Variants in C9orf72 observed in about 807,000 individuals in gnomAD.
C9orf72 encodes guanine nucleotide exchange factor C9orf72.
A neutral mutation model predicts 51.6 loss-of-function variants in C9orf72; 44 were observed. The ratio of observed to expected loss-of-function variants is 0.85; its 90% CI spans 0.67 to 1.10. The LOEUF is 1.10. Ranked by LOEUF, C9orf72 falls within the 50% of genes least tolerant of loss-of-function variation. The pLI, the probability that C9orf72 is intolerant of heterozygous loss-of-function variation, is 0.00. For missense variants in C9orf72, 607 were observed against 570.6 expected, an observed-to-expected ratio of 1.06 and a Z score of -0.65; for synonymous variants, 213 against 194.2, an observed-to-expected ratio of 1.10 and a Z score of -0.81.
chr9:27,562,177 G>A lies in C9orf72; in HGVS notation c.600+204C>T, dbSNP rs548761316. On this transcript the variant is annotated intron_variant, in intron 4 of 10. Transcript: ENST00000380003. ...AAATAAACAAAATGAATTTAATTTT[G>A]TCATCACTGATCAAAAATGCCTCTG... 5.5e-4 allele frequency among the ~76,000 whole-genome samples: 84 copies of A among 152,232 alleles called. 1 individual carries two copies. The highest frequency in any genetic ancestry group is 3.4e-3 in the Middle Eastern group (1 of 294).
intron 6 of C9orf72, 66 bp from the exon 7 acceptor site, chr9:27,558,673 A>C: frequency 2.5e-6 from 2 of 787,272 alleles, no homozygotes; most frequent in South Asian, 3.3e-5. Flanking sequence ...CTTATGAAAG[A>C]TATCTGAAAT....
chr9:27,559,279 A>AAC (rs1554660532), intron 6 of C9orf72: 2 of 151,412 alleles, frequency 1.3e-5, no homozygotes, highest in African/African-American at 2.4e-5. Flanking sequence ...AAAAAAAAAA[A>AAC]AAAAAACACT....
chr9:27,566,510 A>G (rs922725311), intron 2 of C9orf72, among the ~76,000 whole-genome samples, 167 bp downstream of exon 2: 1 of 152,216 alleles, frequency 6.6e-6, no homozygotes, highest in African/African-American at 2.4e-5. Context: ...TGAAGATGAC[A>G]GGTATCAGAC....
chr9:27,562,627 G>A lies in C9orf72; in HGVS notation c.505-151C>T, dbSNP rs528787762. The A allele has an allele frequency of 1.9e-5, 8 of 416,432 alleles. No individual in the cohort carries two copies. In the South Asian group the frequency reaches 2.9e-4, roughly 15 times the overall value. 25.8% of individuals were successfully genotyped at this position (416,432 alleles called of 1,614,324 possible). A position where few individuals can be genotyped will look rare whatever the true frequency, so the allele number is the denominator to read the frequency against. On this transcript the variant is annotated intron_variant, in intron 3 of 10. Transcript: ENST00000380003. ...ACAGTATCAAACAAGTCTACTACAT[G>A]TCTAAAGGATTTATATGCAATCCAA...
At chr9:27,554,081 T>A (rs1186303284) in intron 8 of C9orf72, among the ~76,000 whole-genome samples, 1 of 152,170 alleles carries the variant, frequency 6.6e-6, no homozygotes, top group Non-Finnish European at 1.5e-5. Context: ...TGTAAATTAG[T>A]TTAGCTATTA....
chr9:27,558,394 G>A, intron 7 of C9orf72, 97 bp downstream of exon 7: 2 of 737,940 alleles, frequency 2.7e-6, no homozygotes, highest in South Asian at 3.0e-5. Context: ...ATGTCAATAT[G>A]AGATACATTA....
chr9:27,556,580 C>A lies in C9orf72; in HGVS notation c.1072G>T (p.Glu358Ter), dbSNP rs774440971. 6.2e-7 allele frequency: 1 copy of A among 1,612,422 alleles called. No homozygotes were observed. Among genetic ancestry groups the A allele is most frequent in the Non-Finnish European group, 8.5e-7 (1 of 1,178,566 alleles). Residue 358 changes from glutamate to a stop codon, truncating the protein, a stop_gained, in exon 8 of 11, where the codon GAA becomes TAA. Transcript: ENST00000380003. LOFTEE classifies it high-confidence loss of function. ...MAQDTIIYTD[E>*]SFTPDLNIFQ... Reference sequence around the variant, plus strand: ...ACGTACAAATCAGGAGTAAAGCTTTCGTCAGTGTAGATGATCGTATCCTGA... The same window carrying A: ...ACGTACAAATCAGGAGTAAAGCTTTAGTCAGTGTAGATGATCGTATCCTGA...
At chr9:27,553,093 T>C (rs1563899738) in intron 8 of C9orf72, among the ~76,000 whole-genome samples, 1 of 152,164 alleles carries the variant, frequency 6.6e-6, no homozygotes, top group Non-Finnish European at 1.5e-5. Flanking sequence ...TGGAAAAACA[T>C]TCCATATTCA....
At chr9:27,570,732 T>TG (rs1286292690) in intron 1 of C9orf72, among the ~76,000 whole-genome samples, 2 of 152,020 alleles carry the variant, frequency 1.3e-5, no homozygotes, top group Non-Finnish European at 2.9e-5. Flanking sequence ...CCGGGTGTGG[T>TG]GGTGGACACC....
rs148688903 is a variant in C9orf72 at position 27,566,161 on chromosome 9, C to T, written c.444+516G>A. Reference sequence around the variant, plus strand: ...GTAAATAGCATTATATATTCAACTACAGGATTTAGGAAAACAATAATTTCT... The same window carrying T: ...GTAAATAGCATTATATATTCAACTATAGGATTTAGGAAAACAATAATTTCT... On this transcript the variant is annotated intron_variant, in intron 2 of 10. Transcript: ENST00000380003. Among the ~76,000 whole-genome samples the T allele has an allele frequency of 9.2e-5, 14 of 152,180 alleles. No individual in the cohort carries two copies. The East Asian group carries it at 2.7e-3, about 29-fold the overall frequency.
chr9:27,555,819 T>A (rs10967983), intron 8 of C9orf72, among the ~76,000 whole-genome samples: 24,673 of 152,144 alleles, frequency 0.16, 2,533 homozygotes, highest in Non-Finnish European at 0.23. Flanking sequence ...TGCCTTGCAC[T>A]CCCAAAGCTC....
chr9:27,551,879 T>C (rs1390358489), intron 8 of C9orf72, among the ~76,000 whole-genome samples: 2 of 152,240 alleles, frequency 1.3e-5, no homozygotes, highest in African/African-American at 2.4e-5. Context: ...GTAATTCTCA[T>C]AGAGATCTTT....
At chr9:27,564,252 A>G (rs990263496) in intron 3 of C9orf72, among the ~76,000 whole-genome samples, 4 of 152,018 alleles carry the variant, frequency 2.6e-5, no homozygotes, top group African/African-American at 9.7e-5. Context: ...TGTACTTCCC[A>G]AACTTGAACT....
In C9orf72 at chr9:27,556,771, G is replaced by C; in HGVS notation, c.881C>G (p.Pro294Arg). Residue 294 changes from proline to arginine, a missense_variant, in exon 8 of 11, where the codon CCT becomes CGT. Coordinates refer to ENST00000380003, the MANE Select transcript of C9orf72 (RefSeq NM_018325.5). ...TGGAGCATACATGACTTGCCGGAAA[G>C]GCAGCACAAAGCTTCCAGTTGAATC... ...LKDSTGSFVL[P>R]FRQVMYAPYP... 1.2e-6 allele frequency: 2 copies of C among 1,613,632 alleles called. No homozygotes were observed. Among genetic ancestry groups the C allele is most frequent in the Non-Finnish European group, 8.5e-7 (1 of 1,179,674 alleles).
At chr9:27,565,983 A>G (rs1203195257) in intron 2 of C9orf72, among the ~76,000 whole-genome samples, 1 of 152,196 alleles carries the variant, frequency 6.6e-6, no homozygotes, top group Non-Finnish European at 1.5e-5. Flanking sequence ...ATAGTAAAAA[A>G]TTATTCTTTT....
intron 3 of C9orf72, 110 bp from the exon 4 acceptor site, chr9:27,562,586 C>T (rs772268686): frequency 2.1e-6 from 1 of 483,926 alleles, no homozygotes; most frequent in Non-Finnish European, 3.6e-6. Context: ...GAAAATACTT[C>T]GTAATTTGTT....
At chr9:27,556,958 T>G (rs1011478690) in intron 7 of C9orf72, among the ~76,000 whole-genome samples, 162 bp from the exon 8 acceptor site, 1 of 152,198 alleles carries the variant, frequency 6.6e-6, no homozygotes, top group African/African-American at 2.4e-5. Context: ...ACAGAAGTGT[T>G]CAGTATAGCA....
chr9:27,551,696 G>A (rs779915066), intron 8 of C9orf72, among the ~76,000 whole-genome samples: 4 of 152,230 alleles, frequency 2.6e-5, no homozygotes, highest in Non-Finnish European at 5.9e-5. Context: ...CACTGATAGT[G>A]CCCCTTCTTG....
intron 6 of C9orf72, 45 bp downstream of exon 6, chr9:27,560,182 A>G (rs773991269): frequency 8.2e-7 from 1 of 1,216,082 alleles, no homozygotes; most frequent in Non-Finnish European, 1.2e-6. Flanking sequence ...ATATATCATC[A>G]GTCTTAAAGA....
Sources: gnomAD v4.1 joint callset for allele counts (sites outside exome capture counted in the v4.1 genomes callset) on GRCh38, gnomAD v4.1.1 for gene constraint, MANE v1.5 for transcripts, NCBI Gene and HGNC (gene_info 2026-07-23, HGNC 2026-07-21) for gene names.